The following MAN1C1 variants were observed in gnomAD, a reference collection of about 807,000 sequenced individuals.
MAN1C1 encodes mannosidase alpha class 1C member 1.
A neutral mutation model predicts 71.5 loss-of-function variants in MAN1C1; 49 were observed. The observed-to-expected ratio is 0.69, with a 90% CI of 0.54 to 0.87. The LOEUF is 0.87. MAN1C1 is among the 40% of genes least tolerant of loss of function. The probability of loss-of-function intolerance (pLI) is 0.00; values close to 1 mark genes in which losing one functional copy is unlikely to be tolerated. For synonymous variants in MAN1C1, 352 were observed against 343.7 expected, an observed-to-expected ratio of 1.02 and a Z score of -0.27; for missense variants, 743 against 835.0, an observed-to-expected ratio of 0.89 and a Z score of 1.36.
chr1:25,760,337 G>C (rs2124370443), intron 6 of MAN1C1: 1 of 152,344 alleles, frequency 6.6e-6, no homozygotes, highest in South Asian at 2.1e-4. Flanking sequence ...CGTGATTCAA[G>C]CCCAGGATGT....
intron 4 of MAN1C1, among the ~76,000 whole-genome samples, chr1:25,750,595 C>A (rs367788806): frequency 4.0e-4 from 61 of 152,324 alleles, no homozygotes; most frequent in African/African-American, 1.4e-3. Flanking sequence ...TCAAGGGTTT[C>A]GAAGCAACAG....
Position 25,764,709 on chromosome 1 carries a change from C to T in MAN1C1, c.1141+742C>T, listed in dbSNP as rs752666332. ...CTGGGATTACAGGCGTGAGCCACCA[C>T]GCCTGGCTCCAACTTTAATTTAAAA... On this transcript the variant is annotated intron_variant, in intron 7 of 11. Transcript: ENST00000374332. The surrounding 1 kb of genome is among the most constrained non-coding windows in gnomAD (Gnocchi z 4.4). Among the ~76,000 whole-genome samples the T allele has an allele frequency of 2.0e-5, 3 of 152,056 alleles. No homozygotes were observed. Among genetic ancestry groups the T allele is most frequent in the African/African-American group, 4.8e-5 (2 of 41,406 alleles).
chr1:25,748,924 C>T (rs941129654), intron 3 of MAN1C1, among the ~76,000 whole-genome samples: 1 of 152,212 alleles, frequency 6.6e-6, no homozygotes, highest in Admixed American at 6.5e-5. Context: ...GATTTACCTC[C>T]CCTCAGTCTA....
intron 2 of MAN1C1, among the ~76,000 whole-genome samples, chr1:25,701,412 G>A (rs1390691091): frequency 6.6e-6 from 1 of 152,246 alleles, no homozygotes; most frequent in East Asian, 1.9e-4. Context: ...TGAAGTGGGT[G>A]TCATTCTGAT....
At chr1:25,723,332 A>C (rs900794855) in intron 2 of MAN1C1, among the ~76,000 whole-genome samples, 1 of 152,236 alleles carries the variant, frequency 6.6e-6, no homozygotes, top group African/African-American at 2.4e-5. Context: ...TACTGCCTTT[A>C]GGCTGACTTG....
chr1:25,762,483 A>G (rs1463404907), intron 6 of MAN1C1, among the ~76,000 whole-genome samples: 2 of 151,130 alleles, frequency 1.3e-5, no homozygotes, highest in Non-Finnish European at 2.9e-5. Flanking sequence ...GCTGGAGTGC[A>G]AAGGCGCCAT....
At chr1:25,777,027 T>G (rs567016151) in intron 8 of MAN1C1, among the ~76,000 whole-genome samples, 23 of 152,166 alleles carry the variant, frequency 1.5e-4, no homozygotes, top group African/African-American at 5.3e-4. Context: ...ACCTGATGAG[T>G]CTGTGCCCCA....
At chr1:25,696,338 TC>T (rs1475631043) in intron 2 of MAN1C1, among the ~76,000 whole-genome samples, 4 of 152,056 alleles carry the variant, frequency 2.6e-5, no homozygotes, top group Non-Finnish European at 5.9e-5. Context: ...GGGAGGCAGG[TC>T]CTGAGAGGGC....
intron 2 of MAN1C1, among the ~76,000 whole-genome samples, chr1:25,688,539 C>T (rs1441046981): frequency 6.6e-6 from 1 of 152,128 alleles, no homozygotes; most frequent in African/African-American, 2.4e-5. Flanking sequence ...GGAGGGATTC[C>T]ATTTTGTAAA....
At position 25,778,352 on chromosome 1, in the gene MAN1C1, G is replaced by T. The variant is rs188866920; in HGVS notation, c.1477+28G>T. ...AACCCTGCAAGGGGAAGGGGCAGCAGGAGAGACTGAGGCTAGACACCAGGA... is the reference window on the plus strand; with the variant it reads ...AACCCTGCAAGGGGAAGGGGCAGCATGAGAGACTGAGGCTAGACACCAGGA... On this transcript the variant is annotated intron_variant, in intron 9 of 11. Coordinates refer to ENST00000374332, the MANE Select transcript of MAN1C1 (RefSeq NM_020379.4). This position sits in a 1 kb window ranked among gnomAD's most constrained non-coding sequence, Gnocchi z 5.5. 2.2e-5 allele frequency: 35 copies of T among 1,582,182 alleles called. 2 individuals are homozygous for T. Among genetic ancestry groups the T allele is most frequent in the Admixed American group, 1.8e-4 (10 of 56,822 alleles).
chr1:25,771,831 G>C (rs1441042495), intron 8 of MAN1C1, 59 bp downstream of exon 8: 12 of 1,406,408 alleles, frequency 8.5e-6, no homozygotes, highest in African/African-American at 2.8e-5. Flanking sequence ...GCTCTCTCAC[G>C]GCCGAGCGAG....
chr1:25,618,036 C>A lies in MAN1C1; in HGVS notation c.239C>A (p.Pro80Gln). 1 of 1,588,224 alleles carries A rather than the reference C, an allele frequency of 6.3e-7. No homozygotes were observed. The highest frequency in any genetic ancestry group is 8.5e-7 in the Non-Finnish European group (1 of 1,171,016). The change falls in exon 1 of 12, where the codon CCG (proline) becomes CAG (glutamine). Residue 80 changes from proline (P) to glutamine (Q), a missense_variant. Physicochemically the swap from Pro to Gln is moderately conservative, Grantham distance 76. Transcript: ENST00000374332. The part of the protein sequence containing the change: ...AGHAPAREQE[P>Q]PPNPAPAAPA... Reference sequence around the variant, plus strand: ...CATGCCCCGGCCCGCGAGCAGGAGCCGCCTCCCAACCCGGCCCCCGCCGCG... The same window carrying A: ...CATGCCCCGGCCCGCGAGCAGGAGCAGCCTCCCAACCCGGCCCCCGCCGCG...
chr1:25,717,349 A>G (rs2046694388), intron 2 of MAN1C1, among the ~76,000 whole-genome samples: 1 of 151,974 alleles, frequency 6.6e-6, no homozygotes, highest in African/African-American at 2.4e-5. Context: ...TGTCTTTACA[A>G]AAAAAAGAAA....
intron 1 of MAN1C1, among the ~76,000 whole-genome samples, chr1:25,653,091 G>GT (rs967686148): frequency 5.3e-5 from 8 of 151,742 alleles, no homozygotes; most frequent in Middle Eastern, 3.2e-3. Flanking sequence ...TTTTGTTTTT[G>GT]TTTTTTGAAA....
At chr1:25,677,144 A>G (rs535439348) in intron 1 of MAN1C1, among the ~76,000 whole-genome samples, 35 of 152,322 alleles carry the variant, frequency 2.3e-4, no homozygotes, top group Middle Eastern at 6.8e-3. Flanking sequence ...TTTTGCACTA[A>G]AAAATTCCGT....
At chr1:25,771,576 G>A in intron 7 of MAN1C1, 81 bp from the exon 8 acceptor site, 1 of 1,057,756 alleles carries the variant, frequency 9.5e-7, no homozygotes, top group Non-Finnish European at 1.5e-6. Context: ...GGCCCCTGAG[G>A]TCAGGCGGGT....
At position 25,621,899 on chromosome 1, in the gene MAN1C1, G is replaced by C. The variant is rs183530596; in HGVS notation, c.540+3562G>C. Among the ~76,000 whole-genome samples the C allele has an allele frequency of 2.3e-3, 345 of 152,260 alleles. 1 individual carries two copies. Among genetic ancestry groups the C allele is most frequent in the Admixed American group, 5.0e-3 (76 of 15,300 alleles). ...CTGCCTCAGCCTCCCAAAGTGCTGA[G>C]ATTACAGGCACGAGCCACCGCGCCT... On this transcript the variant is annotated intron_variant, in intron 1 of 11. Coordinates refer to ENST00000374332, the MANE Select transcript of MAN1C1 (RefSeq NM_020379.4).
In MAN1C1 at chr1:25,769,227, C is replaced by T. The variant is rs2047511932; in HGVS notation, c.1142-2430C>T. Among the ~76,000 whole-genome samples, 1 of 150,548 alleles carries T rather than the reference C, an allele frequency of 6.6e-6. No individual in the cohort carries two copies. Among genetic ancestry groups the T allele is most frequent in the African/African-American group, 2.5e-5 (1 of 40,582 alleles). On this transcript the variant is annotated intron_variant, in intron 7 of 11. Transcript: ENST00000374332. The surrounding 1 kb of genome is among the most constrained non-coding windows in gnomAD (Gnocchi z 4.8). ...CACCCCACACACTACACATAGTCCC[C>T]TCATACACTACACACCACACTCCTT... is the stretch of plus-strand genomic sequence containing the variant.
At chr1:25,666,441 C>T (rs2045925682) in intron 1 of MAN1C1, among the ~76,000 whole-genome samples, 1 of 152,318 alleles carries the variant, frequency 6.6e-6, no homozygotes, top group Middle Eastern at 3.4e-3. Context: ...TAGCACACAT[C>T]TTTCTCAGGT....
Sources: gnomAD v4.1 joint callset for allele counts (sites outside exome capture counted in the v4.1 genomes callset) on GRCh38, gnomAD v4.1.1 for gene constraint, Gnocchi (gnomAD v3.1) non-coding constraint, MANE v1.5 for transcripts, NCBI Gene and HGNC (gene_info 2026-07-23, HGNC 2026-07-21) for gene names.